Variants in MACROD2 observed in about 807,000 individuals in gnomAD.
MACROD2 encodes the protein ADP-ribose glycohydrolase MACROD2.
In MACROD2, 36 loss-of-function variants were observed where a neutral mutation model predicts 70.4. The ratio of observed to expected loss-of-function variants is 0.51; its 90% CI spans 0.39 to 0.68. The LOEUF (loss-of-function observed/expected upper bound fraction) is 0.68, where lower values mean the gene tolerates loss of function less well. Among genes scored for constraint, MACROD2 ranks in the 30% least tolerant of loss-of-function variants. The pLI is 0.00. For synonymous variants in MACROD2, 172 were observed against 178.8 expected, an observed-to-expected ratio of 0.96 and a Z score of 0.30; for missense variants, 496 against 538.4, an observed-to-expected ratio of 0.92 and a Z score of 0.78.
At chr20:15,378,106 G>A (rs1335872220) in intron 6 of MACROD2, among the ~76,000 whole-genome samples, 1 of 151,460 alleles carries the variant, frequency 6.6e-6, no homozygotes, top group South Asian at 2.1e-4. Flanking sequence ...AAACCTGCAC[G>A]TTCTGCATAT....
At chr20:14,540,573 A>C (rs1444763207) in intron 4 of MACROD2, among the ~76,000 whole-genome samples, 1 of 152,170 alleles carries the variant, frequency 6.6e-6, no homozygotes, top group African/African-American at 2.4e-5. Context: ...CAATCTTGAC[A>C]GGTATAAAAA....
chr20:14,863,755 C>G (rs941626794), intron 5 of MACROD2, among the ~76,000 whole-genome samples: 3 of 152,054 alleles, frequency 2.0e-5, no homozygotes, highest in Non-Finnish European at 4.4e-5. Context: ...TAAAGAGGAA[C>G]TATTATTATC....
At chr20:14,690,765 T>C (rs1361532781) in intron 5 of MACROD2, among the ~76,000 whole-genome samples, 1 of 152,174 alleles carries the variant, frequency 6.6e-6, no homozygotes, top group Non-Finnish European at 1.5e-5. Context: ...TGTGGCCATT[T>C]GTTTACATAT....
chr20:15,565,407 A>G (rs779746833), intron 8 of MACROD2, among the ~76,000 whole-genome samples: 6 of 152,198 alleles, frequency 3.9e-5, no homozygotes, highest in Non-Finnish European at 8.8e-5. Context: ...TACTTCACAG[A>G]ATTTTCTTAT....
intron 12 of MACROD2, among the ~76,000 whole-genome samples, chr20:15,963,821 CTGAG>C (rs1310477746): frequency 6.6e-6 from 1 of 152,050 alleles, no homozygotes; most frequent in Non-Finnish European, 1.5e-5. Context: ...TTTCAACTTT[CTGAG>C]TGAGGGCTTT....
chr20:14,413,299 A>G (rs770923543), intron 3 of MACROD2, among the ~76,000 whole-genome samples: 6 of 150,136 alleles, frequency 4.0e-5, no homozygotes, highest in Non-Finnish European at 7.4e-5. Flanking sequence ...GTTAATATAG[A>G]ATATCATATA....
intron 3 of MACROD2, among the ~76,000 whole-genome samples, chr20:14,416,181 T>A (rs1362668597): frequency 2.0e-5 from 3 of 152,082 alleles, no homozygotes; most frequent in African/African-American, 7.2e-5. Flanking sequence ...ATGGTCTCAA[T>A]CTCCTGACCT....
At chr20:14,389,708 C>G (rs2083507256) in intron 3 of MACROD2, among the ~76,000 whole-genome samples, 1 of 152,152 alleles carries the variant, frequency 6.6e-6, no homozygotes, top group South Asian at 2.1e-4. Flanking sequence ...GCAAATGGCA[C>G]CATGTACAAT....
chr20:15,164,732 C>CA (rs958918154), intron 5 of MACROD2, among the ~76,000 whole-genome samples: 2 of 151,906 alleles, frequency 1.3e-5, no homozygotes, highest in African/African-American at 4.8e-5. Context: ...CTTGTCTCTA[C>CA]AAAAAATAAT....
chr20:15,626,061 T>G (rs982464053), intron 8 of MACROD2, among the ~76,000 whole-genome samples: 4 of 152,132 alleles, frequency 2.6e-5, no homozygotes, highest in African/African-American at 9.7e-5. Flanking sequence ...GTGATAGTGA[T>G]AATATGCTGC....
At chr20:14,523,015 C>A (rs1287859313) in intron 4 of MACROD2, among the ~76,000 whole-genome samples, 1 of 152,144 alleles carries the variant, frequency 6.6e-6, no homozygotes, top group Non-Finnish European at 1.5e-5. Context: ...TCTCAACTGT[C>A]TTATCCCTCG....
intron 3 of MACROD2, among the ~76,000 whole-genome samples, chr20:14,437,666 G>A (rs377545283): frequency 6.6e-6 from 1 of 151,980 alleles, no homozygotes; most frequent in Non-Finnish European, 1.5e-5. Context: ...TGTTAATTCT[G>A]TCTTCACTTT....
chr20:15,437,024 A>G (rs1201863628), intron 7 of MACROD2, among the ~76,000 whole-genome samples: 4 of 152,286 alleles, frequency 2.6e-5, no homozygotes, highest in Admixed American at 6.5e-5. Context: ...AGCCTGAACA[A>G]TGGGCACTTT....
chr20:14,254,974 A>G (rs1265213624), intron 3 of MACROD2, among the ~76,000 whole-genome samples: 1 of 151,964 alleles, frequency 6.6e-6, no homozygotes, highest in Non-Finnish European at 1.5e-5. Context: ...CTTGTCTGTA[A>G]AGTATTTTAT....
chr20:14,293,823 T>G (rs2082405611), intron 3 of MACROD2, among the ~76,000 whole-genome samples: 1 of 151,828 alleles, frequency 6.6e-6, no homozygotes, highest in Non-Finnish European at 1.5e-5. Context: ...CATTATAGAG[T>G]GTCTTTCCAT....
chr20:15,924,598 G>C (rs905205445), intron 10 of MACROD2, among the ~76,000 whole-genome samples: 2 of 152,040 alleles, frequency 1.3e-5, no homozygotes, highest in African/African-American at 2.4e-5. Flanking sequence ...TCTCCCTTCT[G>C]TCAACTCCTA....
intron 5 of MACROD2, among the ~76,000 whole-genome samples, chr20:14,836,615 A>G (rs980600188): frequency 4.6e-5 from 7 of 152,218 alleles, no homozygotes; most frequent in African/African-American, 1.7e-4. Flanking sequence ...AATGTTATCC[A>G]TAGGTTGCCT....
At chr20:15,024,454 TG>T (rs2075214320) in intron 5 of MACROD2, among the ~76,000 whole-genome samples, 1 of 152,122 alleles carries the variant, frequency 6.6e-6, no homozygotes, top group Admixed American at 6.5e-5. Context: ...TAAATTAATT[TG>T]GTTTATTTGA....
chr20:15,049,722 C>G (rs2075424099), intron 5 of MACROD2, among the ~76,000 whole-genome samples: 1 of 151,982 alleles, frequency 6.6e-6, no homozygotes, highest in Admixed American at 6.6e-5. Flanking sequence ...CCGAGGCAGG[C>G]AGATCACCTG....
Sources: gnomAD v4.1 joint callset for allele counts (sites outside exome capture counted in the v4.1 genomes callset) on GRCh38, gnomAD v4.1.1 for gene constraint, MANE v1.5 for transcripts, NCBI Gene and HGNC (gene_info 2026-07-23, HGNC 2026-07-21) for gene names.